MTUS1: variants seen among roughly 807,000 people sequenced by gnomAD.
MTUS1 encodes the protein microtubule-associated tumor suppressor 1.
In MTUS1, 109 loss-of-function variants were observed where a neutral mutation model predicts 120.8. The ratio of observed to expected loss-of-function variants is 0.90; its 90% CI spans 0.77 to 1.06. The LOEUF (loss-of-function observed/expected upper bound fraction) is 1.06. Ranked by LOEUF, MTUS1 falls within the 50% of genes least tolerant of loss-of-function variation. The probability of loss-of-function intolerance (pLI) is 0.00; values close to 1 mark genes in which losing one functional copy is unlikely to be tolerated. For synonymous variants in MTUS1, 737 were observed against 550.5 expected, an observed-to-expected ratio of 1.34 and a Z score of -4.74; for missense variants, 2,210 against 1,486.3, an observed-to-expected ratio of 1.49 and a Z score of -8.01.
At chr8:17,748,732 G>A (rs1033169317) in intron 2 of MTUS1, among the ~76,000 whole-genome samples, 1 of 149,096 alleles carries the variant, frequency 6.7e-6, no homozygotes, top group Non-Finnish European at 1.5e-5. Flanking sequence ...GAGCATGGCG[G>A]GCTGAATGGG....
intron 4 of MTUS1, chr8:17,721,750 C>G (rs540399413): frequency 3.1e-6 from 5 of 1,612,124 alleles, no homozygotes; most frequent in Non-Finnish European, 4.2e-6. Flanking sequence ...AGGAATTATA[C>G]AAAGGCTGTA....
intron 3 of MTUS1, among the ~76,000 whole-genome samples, chr8:17,739,122 G>T (rs1343288284): frequency 6.6e-6 from 1 of 151,956 alleles, no homozygotes; most frequent in Non-Finnish European, 1.5e-5. Context: ...CGGCCTGGAC[G>T]ACAGAGTGAA....
In MTUS1 at chr8:17,680,200, A is replaced by T. The variant is rs895690261; in HGVS notation, c.2838+4128T>A. ...GGTTCTGGACTGGGAGTGGTGGATC[A>T]TGCCTGTAATCCCAGCACTTTGGAA... On this transcript the variant is annotated intron_variant, in intron 7 of 14. Transcript: ENST00000693296. 7.9e-5 allele frequency among the ~76,000 whole-genome samples: 12 copies of T among 152,232 alleles called. 1 individual carries two copies. In the East Asian group the frequency reaches 2.1e-3, roughly 27 times the overall value.
Position 17,697,356 on chromosome 8 carries a change from A to T in MTUS1, c.2624-12814T>A, listed in dbSNP as rs201301149. ...AGTCGTATGTGAATGGTGGATAAGG[A>T]GAATTTGGGAGACAACAACATGTCT... On this transcript the variant is annotated intron_variant, in intron 6 of 14. Coordinates refer to ENST00000693296, the MANE Select transcript of MTUS1 (RefSeq NM_001363059.2). 1.5e-5 allele frequency: 25 copies of T among 1,614,124 alleles called. No homozygotes were observed. In the East Asian group the frequency reaches 4.7e-4, roughly 30 times the overall value.
chr8:17,644,797 G>A lies in MTUS1; in HGVS notation c.*1129C>T, dbSNP rs944075355. The A allele has an allele frequency of 2.0e-5, 3 of 152,280 alleles. No homozygotes were observed. The highest frequency in any genetic ancestry group is 4.4e-5 in the Non-Finnish European group (3 of 68,022). 9.4% of individuals were successfully genotyped at this position (152,280 alleles called of 1,614,324 possible). ...TTTGTAATATCAAATCCAGGCTTTA[G>A]TTTATTTGGAAAGTGGTTTCAGCAC... is the stretch of plus-strand genomic sequence containing the variant. On this transcript the variant is annotated 3_prime_UTR_variant, in exon 15 of 15. Coordinates refer to ENST00000693296, the MANE Select transcript of MTUS1 (RefSeq NM_001363059.2).
chr8:17,792,350 A>G (rs1295398711), intron 1 of MTUS1, among the ~76,000 whole-genome samples: 2 of 152,236 alleles, frequency 1.3e-5, no homozygotes, highest in Non-Finnish European at 2.9e-5. Context: ...TTATATATCT[A>G]CAAGGTTATA....
chr8:17,653,382 A>ATT, intron 11 of MTUS1, 43 bp downstream of exon 11: 4 of 1,499,034 alleles, frequency 2.7e-6, no homozygotes, highest in South Asian at 2.5e-5. Flanking sequence ...CAAAAATGAT[A>ATT]TTTTTTTTTG....
chr8:17,697,390 G>A lies in MTUS1; in HGVS notation c.2624-12848C>T, dbSNP rs1818197110. 8 of 1,613,280 alleles carry A rather than the reference G, an allele frequency of 5.0e-6. No individual in the cohort carries two copies. The East Asian group carries it at 1.8e-4, about 36-fold the overall frequency. ...GAGACAACAACATGTCTTCGGAGCA[G>A]GTGGCGAGATTTCACAGAAGAGGCA... On this transcript the variant is annotated intron_variant, in intron 6 of 14. Coordinates refer to ENST00000693296, the MANE Select transcript of MTUS1 (RefSeq NM_001363059.2).
chr8:17,690,901 C>T (rs1328646813), intron 6 of MTUS1, among the ~76,000 whole-genome samples: 1 of 152,132 alleles, frequency 6.6e-6, no homozygotes, highest in Non-Finnish European at 1.5e-5. Context: ...TCTAAAATCA[C>T]ACCTGTTGTG....
chr8:17,792,715 T>A (rs1248264262), intron 1 of MTUS1, among the ~76,000 whole-genome samples: 2 of 152,148 alleles, frequency 1.3e-5, no homozygotes, highest in Admixed American at 1.3e-4. Context: ...AATACAAAAA[T>A]TATCCAGGCG....
At chr8:17,727,822 A>C (rs2131148792) in intron 3 of MTUS1, among the ~76,000 whole-genome samples, 1 of 152,356 alleles carries the variant, frequency 6.6e-6, no homozygotes, top group Admixed American at 6.5e-5. Context: ...TATAGACAAC[A>C]GATTGGTTTT....
At chr8:17,683,255 G>T (rs556815604) in intron 7 of MTUS1, among the ~76,000 whole-genome samples, 1 of 152,258 alleles carries the variant, frequency 6.6e-6, no homozygotes, top group African/African-American at 2.4e-5. Flanking sequence ...CTGGGCGACA[G>T]AGTGAGAGTC....
chr8:17,797,159 C>T (rs1265695853), intron 1 of MTUS1, among the ~76,000 whole-genome samples: 12 of 151,972 alleles, frequency 7.9e-5, no homozygotes, highest in Admixed American at 7.9e-4. Context: ...TGCCTCTAAT[C>T]CTAGCACTCT....
At chr8:17,741,372 C>T (rs966754974) in intron 3 of MTUS1, among the ~76,000 whole-genome samples, 9 of 152,138 alleles carry the variant, frequency 5.9e-5, no homozygotes, top group African/African-American at 2.2e-4. Flanking sequence ...CAGTCAAATA[C>T]AAAACTCAAA....
Position 17,740,436 on chromosome 8 carries a change from T to C in MTUS1, c.2287+3168A>G, listed in dbSNP as rs1457407215. On this transcript the variant is annotated intron_variant, in intron 3 of 14. Transcript: ENST00000693296. ...TGTGAGTCAGTATGGTGGATATCCA[T>C]TTGGTTTCAATTTGCTAATACACAC... Among the ~76,000 whole-genome samples, 4 of 152,330 alleles carry C rather than the reference T, an allele frequency of 2.6e-5. No homozygotes were observed. The East Asian group carries it at 7.7e-4, about 29-fold the overall frequency.
chr8:17,730,425 C>T (rs2046489377), intron 3 of MTUS1, among the ~76,000 whole-genome samples: 1 of 144,564 alleles, frequency 6.9e-6, no homozygotes, highest in South Asian at 2.2e-4. Context: ...GTGGAGGTTA[C>T]AGTGAGCTGA....
intron 2 of MTUS1, among the ~76,000 whole-genome samples, chr8:17,744,689 C>CTTTTTTTTTTTTTTT (rs58283163): frequency 1.0e-4 from 10 of 99,016 alleles, no homozygotes; most frequent in African/African-American, 1.6e-4. Flanking sequence ...ACCATGTTTT[C>CTTTTTTTTTTTTTTT]TTTTTTTTTT....
intron 6 of MTUS1, among the ~76,000 whole-genome samples, chr8:17,695,715 T>C: frequency 6.6e-6 from 1 of 152,212 alleles, no homozygotes; most frequent in East Asian, 1.9e-4. Context: ...TTTAATGAGG[T>C]AGATAAACAT....
chr8:17,756,898 G>C (rs1376388353), intron 1 of MTUS1, among the ~76,000 whole-genome samples: 1 of 152,094 alleles, frequency 6.6e-6, no homozygotes, highest in East Asian at 1.9e-4. Flanking sequence ...ACCCTGAAAA[G>C]AACCTTAATC....
Sources: gnomAD v4.1 joint callset for allele counts (sites outside exome capture counted in the v4.1 genomes callset) on GRCh38, gnomAD v4.1.1 for gene constraint, MANE v1.5 for transcripts, NCBI Gene and HGNC (gene_info 2026-07-23, HGNC 2026-07-21) for gene names.